Variants in SH3KBP1 observed in about 807,000 individuals in gnomAD.
SH3KBP1 encodes SH3 domain-containing kinase-binding protein 1.
SH3KBP1 carries 8 observed loss-of-function variants against 50.1 expected under a neutral mutation model. The observed-to-expected ratio is 0.16, with a 90% CI of 0.09 to 0.29. SH3KBP1 has a LOEUF of 0.29. Among genes scored for constraint, SH3KBP1 ranks in the 10% least tolerant of loss-of-function variants. The pLI is 1.00. For synonymous variants in SH3KBP1, 227 were observed against 218.6 expected (o/e 1.04, Z -0.34); for missense variants, 377 against 535.2 (o/e 0.70, Z 2.92).
Position 19,698,761 on chromosome X carries a change from T to C in SH3KBP1, c.391-3020A>G, listed in dbSNP as rs751663532. ...AAGAGAAAAATGATACCTCACACTATCCCTCTTCAGAGATATTCTAGTTCA... is the reference window on the plus strand; with the variant it reads ...AAGAGAAAAATGATACCTCACACTACCCCTCTTCAGAGATATTCTAGTTCA... On this transcript the variant is annotated intron_variant, in intron 4 of 17. Transcript: ENST00000397821. 5.4e-5 allele frequency among the ~76,000 whole-genome samples: 6 copies of C among 111,931 alleles called. No individual in the cohort carries two copies. In the South Asian group the frequency reaches 1.9e-3, roughly 35 times the overall value.
chrX:19,696,754 A>C (rs1242166732), intron 4 of SH3KBP1, among the ~76,000 whole-genome samples: 2 of 111,912 alleles, frequency 1.8e-5, no homozygotes, highest in African/African-American at 6.5e-5. Context: ...CAGTTTGAAA[A>C]CAAGCAAGTA....
At chrX:19,640,663 C>T (rs937896642) in intron 7 of SH3KBP1, among the ~76,000 whole-genome samples, 2 of 110,145 alleles carry the variant, frequency 1.8e-5, no homozygotes, top group Non-Finnish European at 3.8e-5. Flanking sequence ...GGCCGATTCA[C>T]GCTGACTTCC....
intron 8 of SH3KBP1, among the ~76,000 whole-genome samples, chrX:19,620,425 C>A (rs1472170816): frequency 3.6e-5 from 4 of 112,533 alleles, no homozygotes; most frequent in Non-Finnish European, 5.6e-5. Context: ...TTAAGAAATT[C>A]TTCTACTAGG....
In SH3KBP1 at chrX:19,817,765, G is replaced by A. The variant is rs1365233374; in HGVS notation, c.162+18360C>T. Among the ~76,000 whole-genome samples, 4 of 111,264 alleles carry A rather than the reference G, an allele frequency of 3.6e-5. No individual in the cohort carries two copies. In the Admixed American group the frequency reaches 3.8e-4, roughly 11 times the overall value. On this transcript the variant is annotated intron_variant, in intron 2 of 17. Transcript: ENST00000397821. ...TTATCGTGCCTCAGCCTCCTGAGTTGCTGGGATTACAGGCACAGGCAACCA... is the reference window on the plus strand; with the variant it reads ...TTATCGTGCCTCAGCCTCCTGAGTTACTGGGATTACAGGCACAGGCAACCA...
intron 6 of SH3KBP1, among the ~76,000 whole-genome samples, chrX:19,671,684 T>A (rs2062799514): frequency 8.9e-6 from 1 of 112,298 alleles, no homozygotes; most frequent in Non-Finnish European, 1.9e-5. Context: ...CCTGAACAAC[T>A]TATTCAACCT....
At chrX:19,780,060 A>C (rs1486726329) in intron 2 of SH3KBP1, among the ~76,000 whole-genome samples, 2 of 106,474 alleles carry the variant, frequency 1.9e-5, no homozygotes, top group South Asian at 8.2e-4. Flanking sequence ...TCCCACCAAC[A>C]GTGTAAAAGT....
intron 2 of SH3KBP1, among the ~76,000 whole-genome samples, chrX:19,814,405 A>G (rs1275102764): frequency 7.2e-5 from 8 of 110,930 alleles, no homozygotes; most frequent in Non-Finnish European, 1.3e-4. Context: ...CATCTCACTC[A>G]GAGTCACAAG....
At chrX:19,675,373 T>C (rs1415822366) in intron 6 of SH3KBP1, among the ~76,000 whole-genome samples, 1 of 109,716 alleles carries the variant, frequency 9.1e-6, no homozygotes, top group Non-Finnish European at 1.9e-5. Context: ...AGTCTGAACC[T>C]GGGCTATCTG....
intron 4 of SH3KBP1, among the ~76,000 whole-genome samples, chrX:19,704,765 G>A (rs1359619633): frequency 8.9e-6 from 1 of 112,330 alleles, no homozygotes; most frequent in African/African-American, 3.2e-5. Flanking sequence ...ACAATGCAAA[G>A]TATCATAACA....
intron 4 of SH3KBP1, among the ~76,000 whole-genome samples, chrX:19,702,423 C>T (rs1056783332): frequency 9.0e-6 from 1 of 111,602 alleles, no homozygotes; most frequent in African/African-American, 3.3e-5. Context: ...TGGAAGTTAT[C>T]ATCTTTGCAA....
intron 5 of SH3KBP1, among the ~76,000 whole-genome samples, chrX:19,685,854 G>T (rs538801485): frequency 1.8e-5 from 2 of 111,283 alleles, no homozygotes; most frequent in Admixed American, 9.6e-5. Context: ...CCCTCAGCAC[G>T]CTCCCCTCAT....
At chrX:19,712,734 C>G (rs2063806882) in intron 3 of SH3KBP1, among the ~76,000 whole-genome samples, 1 of 111,234 alleles carries the variant, frequency 9.0e-6, no homozygotes. Flanking sequence ...CCAAGTGATC[C>G]AAGTTAACAT....
intron 1 of SH3KBP1, among the ~76,000 whole-genome samples, chrX:19,847,394 A>G (rs2068392582): frequency 8.9e-6 from 1 of 111,756 alleles, no homozygotes. Flanking sequence ...CCCGTCAGGC[A>G]CTCAAGAAAT....
Position 19,649,121 on chromosome X carries a change from G to A in SH3KBP1, c.727-3646C>T, listed in dbSNP as rs1474096182. 2.7e-5 allele frequency among the ~76,000 whole-genome samples: 3 copies of A among 111,302 alleles called. No homozygotes were observed. In the Admixed American group the frequency reaches 2.9e-4, roughly 11 times the overall value. The stretch of plus-strand genomic sequence containing the variant: ...GAGGGATGTTAGGCTTGCAGTGGCT[G>A]GGGAAGAGGATACAGGATCTCCCCT... On this transcript the variant is annotated intron_variant, in intron 6 of 17. Coordinates refer to ENST00000397821, the MANE Select transcript of SH3KBP1 (RefSeq NM_031892.3).
At chrX:19,781,308 G>A (rs1313383280) in intron 2 of SH3KBP1, among the ~76,000 whole-genome samples, 2 of 111,131 alleles carry the variant, frequency 1.8e-5, no homozygotes, top group African/African-American at 6.5e-5. Flanking sequence ...AATCAGAAAT[G>A]TTTTCTTAAG....
intron 4 of SH3KBP1, among the ~76,000 whole-genome samples, chrX:19,704,784 T>C (rs2063614917): frequency 8.9e-6 from 1 of 112,339 alleles, no homozygotes; most frequent in South Asian, 3.6e-4. Context: ...CAAATACATA[T>C]CTAAAAACCT....
At chrX:19,849,177 C>T (rs1209797260) in intron 1 of SH3KBP1, among the ~76,000 whole-genome samples, 2 of 110,190 alleles carry the variant, frequency 1.8e-5, no homozygotes, top group Admixed American at 2.0e-4. Flanking sequence ...TGTGTGTCAC[C>T]GCTGGCAAAA....
intron 2 of SH3KBP1, among the ~76,000 whole-genome samples, chrX:19,803,747 CA>C (rs897592079): frequency 3.6e-5 from 4 of 110,456 alleles, no homozygotes; most frequent in African/African-American, 1.3e-4. Context: ...TCTCAGTTAT[CA>C]AAAAAAATAA....
rs1602377371 is a variant in SH3KBP1, at chrX:19,535,856, G to A, written c.*561C>T. ...ATATATAAGCTAAAATTTCTCTTAG[G>A]GTGGTGGGGTTTGCTGGCAGGGAAA... On this transcript the variant is annotated 3_prime_UTR_variant, in exon 18 of 18. Transcript: ENST00000397821. The A allele has an allele frequency of 9.0e-6, 1 of 111,041 alleles. No homozygotes were observed. Among genetic ancestry groups the A allele is most frequent in the Non-Finnish European group, 1.9e-5 (1 of 52,971 alleles). 9.2% of individuals were successfully genotyped at this position (111,041 alleles called of 1,213,427 possible).
Sources: gnomAD v4.1 joint callset for allele counts (sites outside exome capture counted in the v4.1 genomes callset) on GRCh38, gnomAD v4.1.1 for gene constraint, MANE v1.5 for transcripts, NCBI Gene and HGNC (gene_info 2026-07-23, HGNC 2026-07-21) for gene names.